TBC1D8: variants seen among roughly 807,000 people sequenced by gnomAD.
TBC1D8 encodes BUB2-like protein 1.
Under a neutral mutation model 118.8 loss-of-function variants are expected in TBC1D8, and 65 were observed. That is an observed-to-expected ratio of 0.55 (90% CI 0.45 to 0.67). The LOEUF (loss-of-function observed/expected upper bound fraction) is 0.67. Among genes scored for constraint, TBC1D8 ranks in the 30% least tolerant of loss-of-function variants. The probability of loss-of-function intolerance (pLI) is 0.00; values close to 1 mark genes in which losing one functional copy is unlikely to be tolerated. For synonymous variants in TBC1D8, 566 were observed against 595.8 expected (o/e 0.95, Z 0.73); for missense variants, 1,376 against 1,471.2 (o/e 0.94, Z 1.06).
intron 1 of TBC1D8, among the ~76,000 whole-genome samples, chr2:101,140,818 A>G (rs986318901): frequency 1.4e-4 from 21 of 148,958 alleles, no homozygotes; most frequent in African/African-American, 5.0e-4. Context: ...GCTGGAGTGC[A>G]ATGGCACAAT....
At chr2:101,111,954 G>GA (rs1677614043) in intron 1 of TBC1D8, among the ~76,000 whole-genome samples, 1 of 149,950 alleles carries the variant, frequency 6.7e-6, no homozygotes, top group Non-Finnish European at 1.5e-5. Flanking sequence ...CTAGTGGTCA[G>GA]AGATTTCTGC....
At chr2:101,046,347 C>A (rs1681702582) in intron 5 of TBC1D8, among the ~76,000 whole-genome samples, 1 of 152,210 alleles carries the variant, frequency 6.6e-6, no homozygotes, top group Admixed American at 6.5e-5. Context: ...ACCCTGACAA[C>A]ACAGGGCATC....
intron 1 of TBC1D8, among the ~76,000 whole-genome samples, chr2:101,090,894 C>T (rs1388857453): frequency 6.6e-6 from 1 of 152,214 alleles, no homozygotes; most frequent in Non-Finnish European, 1.5e-5. Context: ...ATAAAAAGTA[C>T]TCTATGTCAC....
At chr2:101,022,154 G>T in intron 16 of TBC1D8, 127 bp downstream of exon 16, 2 of 1,458,584 alleles carry the variant, frequency 1.4e-6, no homozygotes, top group East Asian at 2.5e-5. Context: ...AAAATCATAA[G>T]TTCATGTCAG....
intron 1 of TBC1D8, among the ~76,000 whole-genome samples, chr2:101,128,366 A>G (rs1678440640): frequency 6.6e-6 from 1 of 152,188 alleles, no homozygotes; most frequent in African/African-American, 2.4e-5. Context: ...TCTCCACTCA[A>G]GCTTCCTGGG....
At chr2:101,084,052 T>G (rs1289574036) in intron 2 of TBC1D8, among the ~76,000 whole-genome samples, 2 of 152,182 alleles carry the variant, frequency 1.3e-5, no homozygotes, top group Non-Finnish European at 2.9e-5. Context: ...CAGAAAGTGA[T>G]GCATCTACAG....
intron 1 of TBC1D8, among the ~76,000 whole-genome samples, chr2:101,143,543 C>A (rs1679202625): frequency 6.6e-6 from 1 of 152,066 alleles, no homozygotes; most frequent in South Asian, 2.1e-4. Flanking sequence ...ATCAAGGTTA[C>A]CAATAGGTAG....
chr2:101,010,085 C>T (rs961697126), intron 19 of TBC1D8, among the ~76,000 whole-genome samples: 1 of 152,080 alleles, frequency 6.6e-6, no homozygotes, highest in African/African-American at 2.4e-5. Context: ...CTCGGCCTCC[C>T]AAAGTGCTGG....
intron 2 of TBC1D8, among the ~76,000 whole-genome samples, chr2:101,089,402 G>A (rs528336277): frequency 8.6e-4 from 130 of 151,418 alleles, no homozygotes; most frequent in African/African-American, 2.8e-3. Context: ...TCTGGAAGAC[G>A]AGCATTTATT....
At chr2:101,040,616 C>T (rs570215715) in intron 5 of TBC1D8, among the ~76,000 whole-genome samples, 81 of 152,200 alleles carry the variant, frequency 5.3e-4, no homozygotes, top group African/African-American at 1.9e-3. Context: ...ATTACAGGGA[C>T]GCGCCACCGC....
intron 1 of TBC1D8, among the ~76,000 whole-genome samples, chr2:101,138,248 C>G (rs1029889797): frequency 6.6e-6 from 1 of 152,178 alleles, no homozygotes; most frequent in Non-Finnish European, 1.5e-5. Context: ...GGTGGGGACA[C>G]AGATCCAAAC....
chr2:101,090,186 A>T (rs762539789), intron 2 of TBC1D8, 23 bp downstream of exon 2: 4 of 1,603,142 alleles, frequency 2.5e-6, no homozygotes, highest in South Asian at 1.1e-5. Flanking sequence ...GGTTTGGAAC[A>T]TTCCAACTGG....
At chr2:101,116,192 T>C (rs1214106573) in intron 1 of TBC1D8, among the ~76,000 whole-genome samples, 1 of 152,190 alleles carries the variant, frequency 6.6e-6, no homozygotes, top group Non-Finnish European at 1.5e-5. Flanking sequence ...ACTATCTTAG[T>C]ATTTGACTGG....
At chr2:101,052,406 T>C (rs916731457) in intron 4 of TBC1D8, among the ~76,000 whole-genome samples, 1 of 151,726 alleles carries the variant, frequency 6.6e-6, no homozygotes, top group Non-Finnish European at 1.5e-5. Flanking sequence ...CTTGCTGTCA[T>C]CAGAGAGGCA....
At chr2:101,035,414 T>A (rs975370243) in intron 9 of TBC1D8, among the ~76,000 whole-genome samples, 1 of 152,138 alleles carries the variant, frequency 6.6e-6, no homozygotes, top group African/African-American at 2.4e-5. Context: ...CCATCCATCA[T>A]TAAATGTCCT....
intron 5 of TBC1D8, among the ~76,000 whole-genome samples, chr2:101,049,589 G>A (rs745622579): frequency 9.9e-5 from 15 of 151,804 alleles, no homozygotes; most frequent in Non-Finnish European, 2.1e-4. Flanking sequence ...TTAGCTGGGC[G>A]TGGTGGTGGG....
At chr2:101,077,437 C>T (rs947218017) in intron 2 of TBC1D8, among the ~76,000 whole-genome samples, 33 of 152,024 alleles carry the variant, frequency 2.2e-4, no homozygotes, top group African/African-American at 6.8e-4. Flanking sequence ...TTAGTAGAGA[C>T]GGGGTTTCAC....
chr2:101,090,462 G>T, intron 1 of TBC1D8, 98 bp from the exon 2 acceptor site: 3 of 1,296,876 alleles, frequency 2.3e-6, no homozygotes, highest in Non-Finnish European at 3.2e-6. Flanking sequence ...CTCCATGCTG[G>T]GGTAGCAGAG....
At chr2:101,138,048 G>C (rs1678933790) in intron 1 of TBC1D8, among the ~76,000 whole-genome samples, 1 of 152,194 alleles carries the variant, frequency 6.6e-6, no homozygotes, top group African/African-American at 2.4e-5. Flanking sequence ...AGTGAGAGCA[G>C]GCATCTTCAT....
Sources: allele counts gnomAD v4.1 joint callset (sites outside exome capture counted in the v4.1 genomes callset), GRCh38; gene constraint gnomAD v4.1.1; transcripts MANE v1.5; gene names NCBI Gene and HGNC (gene_info 2026-07-23, HGNC 2026-07-21).